TIMELESS: variants seen among roughly 807,000 people sequenced by gnomAD.
TIMELESS encodes protein timeless homolog.
In TIMELESS, 124 loss-of-function variants were observed where a neutral mutation model predicts 164.3. The ratio of observed to expected loss-of-function variants is 0.75; its 90% confidence interval spans 0.65 to 0.88. The LOEUF (loss-of-function observed/expected upper bound fraction) is 0.88. TIMELESS is among the 40% of genes least tolerant of loss of function. TIMELESS has a pLI of 0.00. For missense variants in TIMELESS, 1,422 were observed against 1,491.4 expected, an observed-to-expected ratio of 0.95 and a Z score of 0.77; for synonymous variants, 564 against 563.4, an observed-to-expected ratio of 1.00 and a Z score of -0.02.
At chr12:56,425,695 C>T (rs979966479) in intron 13 of TIMELESS, among the ~76,000 whole-genome samples, 7 of 151,918 alleles carry the variant, frequency 4.6e-5, no homozygotes, top group African/African-American at 1.2e-4. Context: ...GGCAACACAG[C>T]GAGACCCTGT....
chr12:56,424,643 G>A, intron 15 of TIMELESS, 119 bp downstream of exon 15: 1 of 1,263,260 alleles, frequency 7.9e-7, no homozygotes, highest in Non-Finnish European at 1.1e-6. Context: ...GAGTCAGTTG[G>A]TATACAGTCC....
Position 56,428,308 on chromosome 12 carries a change from C to G in TIMELESS, c.1506G>C (p.Leu502=). Residue 502 remains leucine, a synonymous_variant, in exon 13 of 29, where the codon CTG becomes CTC. Coordinates refer to ENST00000553532, the MANE Select transcript of TIMELESS (RefSeq NM_003920.5). The part of the protein sequence containing the change: ...RCQPRSFLRD[L]VETTHLFLKM... ...TGAGGAAGAGGTGGGTGGTCTCCAC[C>G]AGGTCACGAAGGAAAGAGCGGGGCT... 1 of 1,613,682 alleles carries G rather than the reference C, an allele frequency of 6.2e-7. No homozygotes were observed. The highest frequency in any genetic ancestry group is 8.5e-7 in the Non-Finnish European group (1 of 1,179,676).
At chr12:56,418,574 T>C (rs555412925) in intron 26 of TIMELESS, among the ~76,000 whole-genome samples, 16 of 141,578 alleles carry the variant, frequency 1.1e-4, no homozygotes, top group African/African-American at 4.2e-4. Context: ...TGGTTGTTCT[T>C]TTTTTTTTTT....
chr12:56,447,632 A>G (rs1458667526), intron 1 of TIMELESS, among the ~76,000 whole-genome samples: 1 of 152,164 alleles, frequency 6.6e-6, no homozygotes, highest in African/African-American at 2.4e-5. Context: ...GGAACTCTCC[A>G]TCCTACTCAT....
rs777678955 is a variant in TIMELESS at position 56,430,269 on chromosome 12, T to A, written c.922A>T (p.Ser308Cys). The part of the protein sequence containing the change: ...HKGLHNLRNY[S>C]SDLGKQPKKV... The stretch of plus-strand genomic sequence containing the variant: ...TTCGGCTGCTTTCCCAAATCTGAAC[T>A]GTAGTTTCGTAGCTGGGTGTGTCGG... Residue 308 changes from serine (S) to cysteine (C), a missense_variant, in exon 10 of 29, where the codon AGT (serine) becomes TGT (cysteine). Coordinates refer to ENST00000553532, the MANE Select transcript of TIMELESS (RefSeq NM_003920.5). 1.9e-6 allele frequency: 3 copies of A among 1,612,922 alleles called. No individual in the cohort carries two copies. The highest frequency in any genetic ancestry group is 3.3e-5 in the Admixed American group (2 of 59,774).
chr12:56,443,213 A>G (rs535658932), intron 1 of TIMELESS, among the ~76,000 whole-genome samples: 49 of 152,300 alleles, frequency 3.2e-4, no homozygotes, highest in African/African-American at 1.2e-3. Flanking sequence ...ACGACATGTG[A>G]GTAGGAGAAA....
At chr12:56,424,703 G>A (rs892455862) in intron 15 of TIMELESS, 59 bp downstream of exon 15, 41 of 1,579,918 alleles carry the variant, frequency 2.6e-5, no homozygotes, top group South Asian at 1.3e-4. Flanking sequence ...ACACTGTACC[G>A]CAGTGATGGC....
At chr12:56,441,758 G>T (rs1261362791) in intron 1 of TIMELESS, among the ~76,000 whole-genome samples, 3 of 151,804 alleles carry the variant, frequency 2.0e-5, no homozygotes, top group Admixed American at 6.6e-5. Context: ...TAGCGTGCAG[G>T]TGCAATGGTA....
At chr12:56,420,314 C>G (rs1471351264) in intron 26 of TIMELESS, among the ~76,000 whole-genome samples, 1 of 151,724 alleles carries the variant, frequency 6.6e-6, no homozygotes, top group Non-Finnish European at 1.5e-5. Flanking sequence ...CAACTGTAAT[C>G]AAGACTATAT....
intron 1 of TIMELESS, among the ~76,000 whole-genome samples, chr12:56,435,821 C>T (rs182576315): frequency 1.2e-3 from 178 of 151,958 alleles, no homozygotes; most frequent in Non-Finnish European, 1.5e-3. Context: ...TAGCCAGGCG[C>T]GATGGCGGGC....
chr12:56,427,801 C>T (rs11171843), intron 13 of TIMELESS, among the ~76,000 whole-genome samples: 6,177 of 152,236 alleles, frequency 0.041, 169 homozygotes, highest in Non-Finnish European at 0.06. Flanking sequence ...GTCTTGAACC[C>T]CTGACCTCAA....
intron 12 of TIMELESS, 43 bp downstream of exon 12, chr12:56,428,506 G>A (rs780129773): frequency 8.7e-6 from 14 of 1,609,248 alleles, no homozygotes; most frequent in South Asian, 2.2e-5. Flanking sequence ...TTCTCATCAC[G>A]AGATGGGACA....
intron 1 of TIMELESS, among the ~76,000 whole-genome samples, chr12:56,445,711 CA>C (rs1868341915): frequency 6.7e-6 from 1 of 150,188 alleles, no homozygotes. Flanking sequence ...GCCTGGGCAA[CA>C]AGAGCGAAAC....
intron 12 of TIMELESS, 23 bp downstream of exon 12, chr12:56,428,525 TC>T: frequency 1.2e-6 from 2 of 1,612,138 alleles, no homozygotes. Context: ...CAGGCTGGGA[TC>T]GGGGACCAGG....
intron 1 of TIMELESS, among the ~76,000 whole-genome samples, chr12:56,448,869 T>G (rs1263110243): frequency 1.3e-5 from 2 of 150,920 alleles, no homozygotes; most frequent in Non-Finnish European, 1.5e-5. Flanking sequence ...AGGGAGGGAG[T>G]GAGAAATCCG....
chr12:56,431,148 G>A (rs1881863919), intron 8 of TIMELESS, among the ~76,000 whole-genome samples, 180 bp from the exon 9 acceptor site: 1 of 140,804 alleles, frequency 7.1e-6, no homozygotes, highest in South Asian at 2.3e-4. Flanking sequence ...GAGGTCGGGA[G>A]TTTGAGACCA....
At chr12:56,425,941 C>T (rs994693847) in intron 13 of TIMELESS, among the ~76,000 whole-genome samples, 1 of 151,850 alleles carries the variant, frequency 6.6e-6, no homozygotes, top group African/African-American at 2.4e-5. Context: ...ATACCCAAAT[C>T]CTGCTTCTCC....
At chr12:56,424,937 A>C in intron 14 of TIMELESS, 24 bp from the exon 15 acceptor site, 1 of 1,614,086 alleles carries the variant, frequency 6.2e-7, no homozygotes, top group South Asian at 1.1e-5. Context: ...AAGCTATGGG[A>C]GCGGAGGGAG....
In TIMELESS at chr12:56,430,292, C is replaced by A. The variant is rs759401393; in HGVS notation, c.910-11G>T. 6.2e-7 allele frequency: 1 copy of A among 1,608,608 alleles called. No homozygotes were observed. Among genetic ancestry groups the A allele is most frequent in the South Asian group, 1.1e-5 (1 of 90,400 alleles). On this transcript the variant is annotated splice_polypyrimidine_tract_variant and intron_variant, in intron 9 of 28. Transcript: ENST00000553532. Reference sequence around the variant, plus strand: ...ACTGTAGTTTCGTAGCTGGGTGTGTCGGTTGGGGGATTAGAATTACTCCTA... The same window carrying A: ...ACTGTAGTTTCGTAGCTGGGTGTGTAGGTTGGGGGATTAGAATTACTCCTA...
Sources: gnomAD v4.1 joint callset for allele counts (sites outside exome capture counted in the v4.1 genomes callset) on GRCh38, gnomAD v4.1.1 for gene constraint, MANE v1.5 for transcripts, NCBI Gene and HGNC (gene_info 2026-07-23, HGNC 2026-07-21) for gene names.